Variants in CARMIL1 observed in about 807,000 individuals in gnomAD.
CARMIL1 encodes F-actin-uncapping protein LRRC16A.
In CARMIL1, 90 loss-of-function variants were observed where a neutral mutation model predicts 177.1. The observed-to-expected ratio is 0.51, with a 90% confidence interval of 0.43 to 0.61. The LOEUF (loss-of-function observed/expected upper bound fraction) is 0.61. Among genes scored for constraint, CARMIL1 ranks in the 20% least tolerant of loss-of-function variants. The pLI is 0.00. For synonymous variants in CARMIL1, 577 were observed against 606.2 expected (o/e 0.95, Z 0.71); for missense variants, 1,380 against 1,667.0 (o/e 0.83, Z 3.00).
chr6:25,295,303 C>T (rs1001154898), intron 2 of CARMIL1, among the ~76,000 whole-genome samples: 2 of 152,072 alleles, frequency 1.3e-5, no homozygotes, highest in Non-Finnish European at 2.9e-5. Flanking sequence ...TCAAAGCTTT[C>T]TAGGGCAGTA....
chr6:25,605,154 A>T (rs147519144), intron 34 of CARMIL1, among the ~76,000 whole-genome samples: 2 of 152,070 alleles, frequency 1.3e-5, no homozygotes, highest in African/African-American at 4.8e-5. Context: ...CTGTTTTTTC[A>T]TTGCAAACTC....
At chr6:25,471,960 C>T (rs1283771586) in intron 10 of CARMIL1, among the ~76,000 whole-genome samples, 2 of 152,114 alleles carry the variant, frequency 1.3e-5, no homozygotes, top group African/African-American at 4.8e-5. Flanking sequence ...TTAAACATAA[C>T]TAAAACAGTG....
intron 6 of CARMIL1, among the ~76,000 whole-genome samples, 154 bp downstream of exon 6, chr6:25,450,149 C>CTA (rs1338477840): frequency 6.6e-6 from 1 of 152,182 alleles, no homozygotes; most frequent in Non-Finnish European, 1.5e-5. Context: ...GACAAAAGTC[C>CTA]TATATTTAAG....
intron 12 of CARMIL1, among the ~76,000 whole-genome samples, chr6:25,487,260 A>G (rs1802755197): frequency 6.6e-6 from 1 of 152,156 alleles, no homozygotes; most frequent in South Asian, 2.1e-4. Context: ...CCTGCACCCC[A>G]CAGCTCTTGT....
At chr6:25,559,597 T>C (rs1810934411) in intron 29 of CARMIL1, among the ~76,000 whole-genome samples, 6 of 152,202 alleles carry the variant, frequency 3.9e-5, no homozygotes, top group Admixed American at 3.3e-4. Flanking sequence ...ATTTGATTGC[T>C]TTGGGAGATG....
In CARMIL1 at chr6:25,577,016, G is replaced by A. The variant is rs1211900065; in HGVS notation, c.2743-3908G>A. ...AGTGTAAGTATTTTTTGGTGGCTCT[G>A]CGGTTTCTGGCTGTACTACTTTATA... On this transcript the variant is annotated intron_variant, in intron 29 of 36. Coordinates refer to ENST00000329474, the MANE Select transcript of CARMIL1 (RefSeq NM_017640.6). The surrounding 1 kb of genome is among the most constrained non-coding windows in gnomAD (Gnocchi z 4.5). 1.5e-5 allele frequency: 15 copies of A among 985,148 alleles called. No individual in the cohort carries two copies. The highest frequency in any genetic ancestry group is 1.8e-5 in the Non-Finnish European group (15 of 829,914). 61.0% of individuals were successfully genotyped at this position (985,148 alleles called of 1,614,324 possible).
intron 2 of CARMIL1, among the ~76,000 whole-genome samples, chr6:25,396,054 T>C (rs1021833787): frequency 1.3e-5 from 2 of 152,202 alleles, no homozygotes; most frequent in African/African-American, 2.4e-5. Flanking sequence ...TTATATGAGA[T>C]TCATCCCCTT....
rs558022196 is a variant in CARMIL1 at position 25,465,071 on chromosome 6, C to CAA, written c.615-782_615-781dup. ...ATGCAGTCACTGCTAAGAACTAAAGCAAAAAAAAAAAAAAAAAAAAAGACC... is the reference window on the plus strand; with the variant it reads ...ATGCAGTCACTGCTAAGAACTAAAGCAAAAAAAAAAAAAAAAAAAAAAAGACC... On this transcript the variant is annotated intron_variant, in intron 8 of 36. Transcript: ENST00000329474. Among the ~76,000 whole-genome samples the CAA allele has an allele frequency of 5.1e-3, 314 of 61,912 alleles. 1 individual carries two copies. Among genetic ancestry groups the CAA allele is most frequent in the South Asian group, 0.012 (22 of 1,766 alleles). 40.6% of individuals were successfully genotyped at this position (61,912 alleles called of 152,430 possible).
At chr6:25,389,529 C>T (rs552940261) in intron 2 of CARMIL1, among the ~76,000 whole-genome samples, 2 of 152,056 alleles carry the variant, frequency 1.3e-5, no homozygotes, top group East Asian at 1.9e-4. Context: ...TGGAAGGTGT[C>T]GATCACTTCT....
chr6:25,516,953 A>G (rs1217788223), intron 21 of CARMIL1, among the ~76,000 whole-genome samples: 1 of 152,194 alleles, frequency 6.6e-6, no homozygotes, highest in Non-Finnish European at 1.5e-5. Flanking sequence ...GAAATTCTTT[A>G]TATTGGGCAT....
intron 32 of CARMIL1, among the ~76,000 whole-genome samples, chr6:25,597,905 C>T (rs534114800): frequency 2.6e-4 from 39 of 152,316 alleles, no homozygotes; most frequent in African/African-American, 8.9e-4. Context: ...TGTACCTTAG[C>T]ATTTTGATAG....
rs373607738 is a variant in CARMIL1 at position 25,470,371 on chromosome 6, G to C, written c.691-798G>C. Among the ~76,000 whole-genome samples, 4 of 152,258 alleles carry C rather than the reference G, an allele frequency of 2.6e-5. No homozygotes were observed. In the East Asian group the frequency reaches 7.7e-4, roughly 29 times the overall value. The stretch of plus-strand genomic sequence containing the variant: ...GGGCTTAACTCAGTGCCTGGCACAT[G>C]GTGAGAACTCTGCAAAGATATTTTC... On this transcript the variant is annotated intron_variant, in intron 9 of 36. Coordinates refer to ENST00000329474, the MANE Select transcript of CARMIL1 (RefSeq NM_017640.6).
Position 25,515,541 on chromosome 6 carries a change from G to A in CARMIL1, c.1633-134G>A. ...GAACCTTAAGTTTCTATCCACGAGT[G>A]TCTTTTAGGTAGTAGTTCTAAAATC... On this transcript the variant is annotated intron_variant, in intron 20 of 36. Transcript: ENST00000329474. This position sits in a 1 kb window ranked among gnomAD's most constrained non-coding sequence, Gnocchi z 5.0. The A allele has an allele frequency of 4.1e-6, 3 of 734,112 alleles. No individual in the cohort carries two copies. Among genetic ancestry groups the A allele is most frequent in the East Asian group, 5.9e-5 (2 of 34,152 alleles). The allele number at this position is 734,112 out of a possible 1,614,324, so 45.5% of individuals were successfully genotyped here.
intron 1 of CARMIL1, among the ~76,000 whole-genome samples, chr6:25,282,667 G>T (rs1194582018): frequency 6.6e-6 from 1 of 152,132 alleles, no homozygotes; most frequent in South Asian, 2.1e-4. Context: ...ATTGTAAGTA[G>T]AAATGAAAAT....
At chr6:25,590,154 A>G (rs1028607625) in intron 31 of CARMIL1, among the ~76,000 whole-genome samples, 26 of 152,194 alleles carry the variant, frequency 1.7e-4, no homozygotes, top group African/African-American at 4.8e-4. Context: ...ATAGACACAA[A>G]GCAGTTTCTG....
intron 2 of CARMIL1, among the ~76,000 whole-genome samples, chr6:25,330,885 G>T (rs1209064711): frequency 1.7e-5 from 2 of 118,584 alleles, no homozygotes; most frequent in Admixed American, 8.7e-5. Context: ...ACATTTTCAA[G>T]AGGTTTTTTT....
intron 4 of CARMIL1, 81 bp from the exon 5 acceptor site, chr6:25,435,400 CTA>C: frequency 7.0e-7 from 1 of 1,437,660 alleles, no homozygotes; most frequent in Non-Finnish European, 9.3e-7. Flanking sequence ...ATCTGTGTGA[CTA>C]TGTAGTTTAC....
At chr6:25,462,902 C>T (rs952922260) in intron 8 of CARMIL1, among the ~76,000 whole-genome samples, 1 of 152,202 alleles carries the variant, frequency 6.6e-6, no homozygotes, top group Admixed American at 6.5e-5. Flanking sequence ...ATAACCCTGC[C>T]TAGTACTAAG....
chr6:25,581,784 G>A (rs1024433442), intron 31 of CARMIL1, among the ~76,000 whole-genome samples: 8 of 152,050 alleles, frequency 5.3e-5, no homozygotes, highest in African/African-American at 1.7e-4. Flanking sequence ...ATTTTACAGT[G>A]TCTGGGCAAA....
Sources: gnomAD v4.1 joint callset for allele counts (sites outside exome capture counted in the v4.1 genomes callset) on GRCh38, gnomAD v4.1.1 for gene constraint, Gnocchi (gnomAD v3.1) non-coding constraint, MANE v1.5 for transcripts, NCBI Gene and HGNC (gene_info 2026-07-23, HGNC 2026-07-21) for gene names.